Variants in MID1 observed in about 807,000 individuals in gnomAD.
MID1 encodes midline 1.
In MID1, 7 loss-of-function variants were observed where a neutral mutation model predicts 40.4. That is an observed-to-expected ratio of 0.17 (90% CI 0.10 to 0.33). MID1 has a LOEUF of 0.33. Among genes scored for constraint, MID1 ranks in the 10% least tolerant of loss-of-function variants. MID1 has a pLI of 1.00. For missense variants in MID1, 367 were observed against 558.5 expected, an observed-to-expected ratio of 0.66 and a Z score of 3.46; for synonymous variants, 229 against 221.2, an observed-to-expected ratio of 1.04 and a Z score of -0.31.
intron 1 of MID1, among the ~76,000 whole-genome samples, chrX:10,786,160 T>C (rs1228847216): frequency 7.2e-4 from 81 of 111,825 alleles, no homozygotes; most frequent in African/African-American, 2.4e-3. Flanking sequence ...GGGTGAAGGA[T>C]ATGAACAGAC....
intron 1 of MID1, among the ~76,000 whole-genome samples, chrX:10,692,685 G>A (rs946947517): frequency 2.7e-5 from 3 of 111,843 alleles, no homozygotes; most frequent in African/African-American, 3.2e-5. Flanking sequence ...AATCTGGTGT[G>A]TATTTCACAC....
intron 1 of MID1, among the ~76,000 whole-genome samples, chrX:10,585,919 G>A (rs1197870850): frequency 2.7e-5 from 3 of 111,641 alleles, no homozygotes; most frequent in Non-Finnish European, 5.6e-5. Flanking sequence ...AAGGTGACTT[G>A]TTTGGGCACT....
Position 10,599,688 on chromosome X carries a change from A to T in MID1, c.-57+20602T>A, listed in dbSNP as rs777938624. 7.1e-5 allele frequency among the ~76,000 whole-genome samples: 8 copies of T among 112,734 alleles called. No homozygotes were observed. The East Asian group carries it at 2.2e-3, about 31-fold the overall frequency. ...AGCTGCAAGGAGGAATGAAAATGGT[A>T]AAGACCCACATAACAGAAACCAGCA... On this transcript the variant is annotated intron_variant, in intron 1 of 9. Coordinates refer to ENST00000317552, the MANE Select transcript of MID1 (RefSeq NM_000381.4).
intron 3 of MID1, among the ~76,000 whole-genome samples, chrX:10,520,609 T>A (rs1932658902): frequency 8.9e-6 from 1 of 112,390 alleles, no homozygotes; most frequent in African/African-American, 3.2e-5. Flanking sequence ...ACTGTCAAAA[T>A]TTTTAAATGC....
intron 1 of MID1, among the ~76,000 whole-genome samples, chrX:10,798,051 A>G (rs1350516316): frequency 6.2e-5 from 7 of 112,296 alleles, no homozygotes; most frequent in Admixed American, 5.6e-4. Flanking sequence ...TTTGTTATCA[A>G]TGCTTAGACC....
chrX:10,585,131 C>G (rs1043245996), intron 1 of MID1, among the ~76,000 whole-genome samples: 2 of 111,424 alleles, frequency 1.8e-5, no homozygotes, highest in South Asian at 7.7e-4. Context: ...AGGCTTGGGT[C>G]AGGCAGGCCC....
chrX:10,589,347 G>A (rs962297726), intron 1 of MID1, among the ~76,000 whole-genome samples: 1 of 110,493 alleles, frequency 9.1e-6, no homozygotes, highest in African/African-American at 3.3e-5. Context: ...GACCAGTCCT[G>A]TGAAGCAATT....
intron 3 of MID1, among the ~76,000 whole-genome samples, chrX:10,519,372 G>A (rs2147362605): frequency 9.0e-6 from 1 of 111,561 alleles, no homozygotes; most frequent in South Asian, 3.8e-4. Flanking sequence ...AAAACATTAT[G>A]CTTGTTCACT....
At chrX:10,708,712 A>T (rs1362401730) in intron 1 of MID1, among the ~76,000 whole-genome samples, 1 of 111,755 alleles carries the variant, frequency 8.9e-6, no homozygotes, top group Non-Finnish European at 1.9e-5. Flanking sequence ...TGCAAGCCTC[A>T]CTTGAAACAG....
upstream of MID1, among the ~76,000 whole-genome samples, chrX:10,624,290 C>T (rs143120917): frequency 3.6e-3 from 404 of 111,692 alleles, no homozygotes; most frequent in Middle Eastern, 9.4e-3. Context: ...CCAGTGCAAT[C>T]GCTATTGCTT....
chrX:10,588,749 G>C (rs1156633928), intron 1 of MID1, among the ~76,000 whole-genome samples: 4 of 110,185 alleles, frequency 3.6e-5, no homozygotes, highest in Admixed American at 2.9e-4. Flanking sequence ...TAACTACTGT[G>C]GGGGGAAGGG....
At chrX:10,644,559 T>C (rs1936242045) in intron 1 of MID1, among the ~76,000 whole-genome samples, 1 of 111,192 alleles carries the variant, frequency 9.0e-6, no homozygotes, top group African/African-American at 3.3e-5. Context: ...GTTTTTCATA[T>C]GAAAAAGCAA....
rs769468275 is a variant in MID1, at chrX:10,451,822, A to G, written c.1656-2106T>C. Among the ~76,000 whole-genome samples, 8 of 111,647 alleles carry G rather than the reference A, an allele frequency of 7.2e-5. No homozygotes were observed. The South Asian group carries it at 3.0e-3, about 42-fold the overall frequency. On this transcript the variant is annotated intron_variant, in intron 9 of 9. Transcript: ENST00000317552. ...CATGATTGTGGGCTTTCCCAGCCAC[A>G]TAGAACTGTAAGTAAGTAAGTCCAT...
intron 4 of MID1, among the ~76,000 whole-genome samples, chrX:10,486,497 C>G (rs1255573011): frequency 4.5e-5 from 5 of 111,661 alleles, no homozygotes; most frequent in African/African-American, 1.3e-4. Context: ...CAGATTTCCA[C>G]GGGTTGGCAT....
At chrX:10,745,387 G>A (rs1368105258) in intron 1 of MID1, among the ~76,000 whole-genome samples, 1 of 112,061 alleles carries the variant, frequency 8.9e-6, no homozygotes, top group Admixed American at 9.4e-5. Flanking sequence ...GCAGGAAAGG[G>A]GGCACAGTGT....
intron 3 of MID1, among the ~76,000 whole-genome samples, chrX:10,516,611 C>A (rs79220333): frequency 1.9e-5 from 1 of 52,414 alleles, no homozygotes; most frequent in Non-Finnish European, 3.1e-5. Context: ...TGTGTGTGTG[C>A]GCGCGCGCAC....
At chrX:10,806,177 G>A (rs1429489670) in intron 1 of MID1, among the ~76,000 whole-genome samples, 1 of 110,376 alleles carries the variant, frequency 9.1e-6, no homozygotes, top group Non-Finnish European at 1.9e-5. Flanking sequence ...TAATGCCTAG[G>A]TTTTCTTCTA....
chrX:10,639,836 C>T (rs1936167404), intron 1 of MID1, among the ~76,000 whole-genome samples: 1 of 112,067 alleles, frequency 8.9e-6, no homozygotes, highest in African/African-American at 3.2e-5. Context: ...ACTCTACAAG[C>T]CAGAAGGGAG....
chrX:10,646,674 A>C (rs188481192), intron 1 of MID1, among the ~76,000 whole-genome samples: 3 of 111,744 alleles, frequency 2.7e-5, no homozygotes, highest in African/African-American at 9.7e-5. Flanking sequence ...AACACAGCCA[A>C]GGGACATTAA....
Sources: allele counts gnomAD v4.1 joint callset (sites outside exome capture counted in the v4.1 genomes callset), GRCh38; gene constraint gnomAD v4.1.1; transcripts MANE v1.5; gene names NCBI Gene and HGNC (gene_info 2026-07-23, HGNC 2026-07-21).